CDKAL1: variants seen among roughly 807,000 people sequenced by gnomAD.
The protein encoded by CDKAL1 is threonylcarbamoyladenosine tRNA methylthiotransferase.
CDKAL1 carries 32 observed loss-of-function variants against 68.2 expected under a neutral mutation model. The ratio of observed to expected loss-of-function variants is 0.47; its 90% confidence interval spans 0.35 to 0.63. CDKAL1 has a LOEUF of 0.63. Among genes scored for constraint, CDKAL1 ranks in the 30% least tolerant of loss-of-function variants. The pLI, the probability that CDKAL1 is intolerant of heterozygous loss-of-function variation, is 0.00. For synonymous variants in CDKAL1, 234 were observed against 244.3 expected (o/e 0.96, Z 0.39); for missense variants, 606 against 696.7 (o/e 0.87, Z 1.47).
intron 12 of CDKAL1, among the ~76,000 whole-genome samples, chr6:21,075,251 G>A (rs886120168): frequency 1.6e-5 from 2 of 127,020 alleles, no homozygotes; most frequent in Non-Finnish European, 3.5e-5. Flanking sequence ...TTCTTCCCCT[G>A]TAGATGACAT....
intron 8 of CDKAL1, among the ~76,000 whole-genome samples, chr6:20,799,050 T>TTTG (rs1776250198): frequency 8.7e-6 from 1 of 114,576 alleles, no homozygotes; most frequent in South Asian, 3.2e-4. Flanking sequence ...GTTTTTTTTT[T>TTTG]TTTTTTTTTT....
Position 20,940,074 on chromosome 6 carries a change from A to G in CDKAL1, c.743-15345A>G, listed in dbSNP as rs1026934944. 3.3e-5 allele frequency among the ~76,000 whole-genome samples: 5 copies of G among 152,344 alleles called. No homozygotes were observed. In the South Asian group the frequency reaches 8.3e-4, roughly 25 times the overall value. On this transcript the variant is annotated intron_variant, in intron 9 of 15. Coordinates refer to ENST00000274695, the MANE Select transcript of CDKAL1 (RefSeq NM_017774.3). ...CTATTTTGTAAACACTGTGAAGTGT[A>G]TAAAATGTGTATGTCCAAGATAACT...
chr6:20,587,292 C>A (rs1189416651), intron 4 of CDKAL1, among the ~76,000 whole-genome samples: 1 of 152,040 alleles, frequency 6.6e-6, no homozygotes, highest in Admixed American at 6.5e-5. Context: ...TGGCCTCCTT[C>A]TTTTCATTTT....
chr6:21,069,740 A>C (rs1352768412), intron 12 of CDKAL1, among the ~76,000 whole-genome samples: 1 of 147,210 alleles, frequency 6.8e-6, no homozygotes. Flanking sequence ...AATATTTGAC[A>C]GAATTGCCCA....
chr6:20,657,786 G>A (rs1317676707), intron 5 of CDKAL1, among the ~76,000 whole-genome samples: 2 of 152,044 alleles, frequency 1.3e-5, no homozygotes, highest in African/African-American at 2.4e-5. Context: ...ATTTTAAGTA[G>A]CAAAAATAGA....
At chr6:21,029,081 C>G (rs1390624847) in intron 11 of CDKAL1, among the ~76,000 whole-genome samples, 2 of 152,154 alleles carry the variant, frequency 1.3e-5, no homozygotes, top group African/African-American at 4.8e-5. Context: ...GAGTCTCACT[C>G]TGTTTCCCAG....
At chr6:20,620,646 G>A (rs1439724838) in intron 4 of CDKAL1, among the ~76,000 whole-genome samples, 1 of 151,856 alleles carries the variant, frequency 6.6e-6, no homozygotes, top group African/African-American at 2.4e-5. Context: ...GAGAAGACTA[G>A]CACACTTGTT....
chr6:20,895,022 C>CCAGAAGT (rs1402224402), intron 9 of CDKAL1, among the ~76,000 whole-genome samples: 1 of 152,156 alleles, frequency 6.6e-6, no homozygotes, highest in African/African-American at 2.4e-5. Context: ...TCTTCACCTG[C>CCAGAAGT]TGCTCTACCA....
chr6:20,945,097 A>AC (rs1764174851), intron 9 of CDKAL1, among the ~76,000 whole-genome samples: 2 of 90,698 alleles, frequency 2.2e-5, no homozygotes, highest in South Asian at 4.2e-4. Context: ...CACACACACA[A>AC]CCTTTTTACT....
intron 6 of CDKAL1, among the ~76,000 whole-genome samples, chr6:20,752,916 A>G (rs911733061): frequency 6.6e-6 from 1 of 152,066 alleles, no homozygotes; most frequent in African/African-American, 2.4e-5. Flanking sequence ...TTTAATCTGG[A>G]TCATTTCCTC....
chr6:20,748,535 A>T, intron 6 of CDKAL1, among the ~76,000 whole-genome samples: 1 of 120,100 alleles, frequency 8.3e-6, no homozygotes, highest in South Asian at 3.2e-4. Context: ...CTTGGGAAAG[A>T]GAGCAAGACT....
chr6:20,804,749 T>C (rs1401043660), intron 8 of CDKAL1, among the ~76,000 whole-genome samples: 2 of 152,222 alleles, frequency 1.3e-5, no homozygotes, highest in Admixed American at 6.5e-5. Context: ...TGCTTGGTAC[T>C]GGGGCCATGG....
At chr6:20,768,408 C>T (rs1774794119) in intron 7 of CDKAL1, among the ~76,000 whole-genome samples, 1 of 152,158 alleles carries the variant, frequency 6.6e-6, no homozygotes, top group South Asian at 2.1e-4. Flanking sequence ...TGATCTCTAG[C>T]AGAAGTTAAT....
intron 11 of CDKAL1, among the ~76,000 whole-genome samples, chr6:21,003,366 A>ATG (rs1767543581): frequency 1.2e-5 from 1 of 83,448 alleles, no homozygotes; most frequent in Admixed American, 1.5e-4. Context: ...ATATATATAT[A>ATG]TATATACACA....
At chr6:20,897,707 A>T (rs1025329384) in intron 9 of CDKAL1, among the ~76,000 whole-genome samples, 6 of 152,164 alleles carry the variant, frequency 3.9e-5, no homozygotes, top group African/African-American at 1.4e-4. Context: ...CTGAATTGAG[A>T]TAAAATAAAG....
At chr6:20,548,514 C>G (rs918260077) in intron 3 of CDKAL1, 79 bp from the exon 4 acceptor site, 2 of 720,490 alleles carry the variant, frequency 2.8e-6, no homozygotes, top group African/African-American at 3.8e-5. Context: ...GCCTGGGCAA[C>G]AGAGCAAGAC....
intron 9 of CDKAL1, among the ~76,000 whole-genome samples, chr6:20,931,388 A>G (rs1404399575): frequency 6.6e-6 from 1 of 152,192 alleles, no homozygotes; most frequent in Admixed American, 6.5e-5. Context: ...CAATTTTACA[A>G]ATAAGACATA....
chr6:20,851,521 A>G (rs1052877071), intron 9 of CDKAL1, among the ~76,000 whole-genome samples: 5 of 152,102 alleles, frequency 3.3e-5, no homozygotes, highest in African/African-American at 1.2e-4. Flanking sequence ...CTGTTTTTAT[A>G]GCTATCGTGT....
At chr6:20,733,640 G>T (rs1179767039) in intron 5 of CDKAL1, among the ~76,000 whole-genome samples, 2 of 152,194 alleles carry the variant, frequency 1.3e-5, no homozygotes, top group African/African-American at 4.8e-5. Context: ...ACACAGCTGA[G>T]TTCTGATTGT....
Sources: gnomAD v4.1 joint callset for allele counts (sites outside exome capture counted in the v4.1 genomes callset) on GRCh38, gnomAD v4.1.1 for gene constraint, MANE v1.5 for transcripts, NCBI Gene and HGNC (gene_info 2026-07-23, HGNC 2026-07-21) for gene names.